Variants in LUC7L2 observed in about 807,000 individuals in gnomAD.
The protein encoded by LUC7L2 is LUC7 like 2, pre-mRNA splicing factor, also known as putative RNA-binding protein Luc7-like 2.
In LUC7L2, 25 loss-of-function variants were observed where a neutral mutation model predicts 52.8. That is an observed-to-expected ratio of 0.47 (90% CI 0.34 to 0.66). The LOEUF (loss-of-function observed/expected upper bound fraction) is 0.66, where lower values mean the gene tolerates loss of function less well. LUC7L2 is among the 30% of genes least tolerant of loss of function. The pLI is 0.01. For missense variants in LUC7L2, 328 were observed against 497.8 expected (o/e 0.66, Z 3.25); for synonymous variants, 144 against 160.9 (o/e 0.89, Z 0.80).
In LUC7L2 at chr7:139,422,954, T is replaced by G; in HGVS notation, c.*614T>G. 2.5e-6 allele frequency: 1 copy of G among 398,970 alleles called. No individual in the cohort carries two copies. The highest frequency in any genetic ancestry group is 4.4e-6 in the Non-Finnish European group (1 of 226,054). The allele number at this position is 398,970 out of a possible 1,614,324, so 24.7% of individuals were successfully genotyped here. The stretch of plus-strand genomic sequence containing the variant: ...TTGAACAGCTGTTGCATTACATACT[T>G]TTGCTTTTTTATTGAAATTTTGAAA... On this transcript the variant is annotated 3_prime_UTR_variant, in exon 10 of 10. Transcript: ENST00000354926.
chr7:139,397,090 A>C (rs553289459), intron 2 of LUC7L2, among the ~76,000 whole-genome samples: 7 of 152,334 alleles, frequency 4.6e-5, no homozygotes, highest in African/African-American at 1.4e-4. Context: ...TACTGTATAC[A>C]AAGCTAAGGC....
chr7:139,423,036 G>A lies in LUC7L2; in HGVS notation c.*696G>A. On this transcript the variant is annotated 3_prime_UTR_variant, in exon 10 of 10. Transcript: ENST00000354926. ...TTGCTATGTTCAGGATGTTCTAGGG[G>A]GTGGGGGCAGGGACTCTTTTCGTAA... The A allele has an allele frequency of 5.0e-6, 2 of 398,544 alleles. No individual in the cohort carries two copies. The highest frequency in any genetic ancestry group is 8.9e-6 in the Non-Finnish European group (2 of 225,956). 24.7% of individuals were successfully genotyped at this position (398,544 alleles called of 1,614,324 possible).
chr7:139,385,830 C>CA (rs1794171285), intron 2 of LUC7L2, among the ~76,000 whole-genome samples: 1 of 152,026 alleles, frequency 6.6e-6, no homozygotes, highest in Non-Finnish European at 1.5e-5. Context: ...TTTCCTGGAC[C>CA]CTCCAGATGT....
At chr7:139,390,541 T>C (rs1452157417) in intron 2 of LUC7L2, among the ~76,000 whole-genome samples, 10 of 150,560 alleles carry the variant, frequency 6.6e-5, no homozygotes, top group East Asian at 1.9e-4. Context: ...GTCTGTCTTA[T>C]TACTTAGACA....
chr7:139,420,209 A>ATT (rs369504812), intron 9 of LUC7L2, among the ~76,000 whole-genome samples: 4 of 148,962 alleles, frequency 2.7e-5, no homozygotes, highest in African/African-American at 4.9e-5. Flanking sequence ...TAAGTAATTT[A>ATT]TTTTTTTTTT....
At chr7:139,341,484 G>C (rs775057665) in intron 1 of LUC7L2, 2 of 1,613,658 alleles carry the variant, frequency 1.2e-6, no homozygotes, top group Admixed American at 3.3e-5. Context: ...CGACACCGCG[G>C]CCTATCGGTA....
intron 5 of LUC7L2, among the ~76,000 whole-genome samples, chr7:139,406,090 TG>T (rs1320036612): frequency 6.6e-6 from 1 of 152,206 alleles, no homozygotes; most frequent in Admixed American, 6.5e-5. Context: ...TTGCTCTTCT[TG>T]CTCAGGCAGG....
At position 139,422,395 on chromosome 7, in the gene LUC7L2, G is replaced by A. The variant is rs1795946291; in HGVS notation, c.*55G>A. The A allele has an allele frequency of 5.2e-6, 8 of 1,552,820 alleles. No homozygotes were observed. Among genetic ancestry groups the A allele is most frequent in the Admixed American group, 4.0e-5 (2 of 49,800 alleles). On this transcript the variant is annotated 3_prime_UTR_variant, in exon 10 of 10. Coordinates refer to ENST00000354926, the MANE Select transcript of LUC7L2 (RefSeq NM_016019.5). ...GCTTCCTACGGAGTTACGTACTATT[G>A]TTTAGTTCACAGCTGTTCAGGGTGA...
chr7:139,380,847 A>G (rs1800977830), intron 2 of LUC7L2, among the ~76,000 whole-genome samples: 1 of 152,222 alleles, frequency 6.6e-6, no homozygotes, highest in East Asian at 1.9e-4. Flanking sequence ...CATGCTTTAA[A>G]AAATATTTCC....
chr7:139,356,468 C>T (rs1355468765), upstream of LUC7L2, among the ~76,000 whole-genome samples: 1 of 151,704 alleles, frequency 6.6e-6, no homozygotes, highest in Non-Finnish European at 1.5e-5. Context: ...CAAAAACAAA[C>T]CCTGAAGCAA....
chr7:139,394,293 C>A (rs568784883), intron 2 of LUC7L2, among the ~76,000 whole-genome samples: 33 of 152,306 alleles, frequency 2.2e-4, no homozygotes, highest in Non-Finnish European at 3.8e-4. Context: ...GTAGATAAAA[C>A]AGAAGAATCC....
chr7:139,381,006 C>T (rs1196692578), intron 2 of LUC7L2, among the ~76,000 whole-genome samples: 1 of 152,136 alleles, frequency 6.6e-6, no homozygotes, highest in Non-Finnish European at 1.5e-5. Context: ...GTTCAAAATT[C>T]AGAAATCAGC....
chr7:139,345,857 A>C (rs1799247633), intron 1 of LUC7L2: 2 of 833,860 alleles, frequency 2.4e-6, no homozygotes, highest in Non-Finnish European at 3.5e-6. Flanking sequence ...TTTCATCTTT[A>C]CTCTCAGTGA....
At chr7:139,400,217 C>A (rs2131278987) in intron 3 of LUC7L2, among the ~76,000 whole-genome samples, 1 of 152,112 alleles carries the variant, frequency 6.6e-6, no homozygotes, top group East Asian at 1.9e-4. Context: ...GCTCGTAATC[C>A]CAGCACTGTA....
upstream of LUC7L2, chr7:139,359,760 C>T (rs1441785381): frequency 5.0e-6 from 2 of 400,648 alleles, no homozygotes; most frequent in Non-Finnish European, 8.8e-6. Flanking sequence ...GGTAAAGGGG[C>T]GGGAGGAGCG....
At chr7:139,418,779 A>G (rs1482054593) in intron 9 of LUC7L2, among the ~76,000 whole-genome samples, 4 of 152,202 alleles carry the variant, frequency 2.6e-5, no homozygotes, top group African/African-American at 9.7e-5. Flanking sequence ...AAAACATAAG[A>G]AAGACGTATA....
At chr7:139,375,012 C>T (rs1800634507) in intron 1 of LUC7L2, 1 of 984,782 alleles carries the variant, frequency 1.0e-6, no homozygotes, top group Non-Finnish European at 1.2e-6. Flanking sequence ...CAGTAATTCA[C>T]CAGTAGGTTT....
At chr7:139,375,217 T>C in intron 1 of LUC7L2, 1 of 984,792 alleles carries the variant, frequency 1.0e-6, no homozygotes, top group African/African-American at 1.7e-5. Flanking sequence ...TTTTCTTAGA[T>C]TCTTTAACGT....
intron 1 of LUC7L2, among the ~76,000 whole-genome samples, chr7:139,367,049 T>C (rs531526146): frequency 7.9e-5 from 12 of 152,274 alleles, no homozygotes; most frequent in African/African-American, 2.4e-4. Context: ...TGATCTTGGC[T>C]CACTGCAACC....
Sources: allele counts gnomAD v4.1 joint callset (sites outside exome capture counted in the v4.1 genomes callset), GRCh38; gene constraint gnomAD v4.1.1; transcripts MANE v1.5; gene names NCBI Gene and HGNC (gene_info 2026-07-23, HGNC 2026-07-21).